Variants in SLC20A1 observed in about 807,000 individuals in gnomAD.
SLC20A1 encodes solute carrier family 20 member 1.
A neutral mutation model predicts 62.7 loss-of-function variants in SLC20A1; 28 were observed. The ratio of observed to expected loss-of-function variants is 0.45; its 90% CI spans 0.33 to 0.61. The LOEUF (loss-of-function observed/expected upper bound fraction) is 0.61. Among genes scored for constraint, SLC20A1 ranks in the 20% least tolerant of loss-of-function variants. The pLI is 0.02. For synonymous variants in SLC20A1, 305 were observed against 302.9 expected (o/e 1.01, Z -0.07); for missense variants, 673 against 838.6 (o/e 0.80, Z 2.44).
In SLC20A1 at chr2:112,658,854, C is replaced by T; in HGVS notation, c.808C>T (p.Pro270Ser). 1 of 1,613,232 alleles carries T rather than the reference C, an allele frequency of 6.2e-7. No individual in the cohort carries two copies. The highest frequency in any genetic ancestry group is 8.5e-7 in the Non-Finnish European group (1 of 1,179,758). ...AATAAAGTGTAGTCCTTCTGAAAGC[C>T]CCTTAATGGAAAAAAAGAATAGCTT... The part of the protein sequence containing the change: ...REIKCSPSES[P>S]LMEKKNSLKE... Residue 270 changes from proline (P) to serine (S), a missense_variant, in exon 7 of 11, where the codon CCC (proline) becomes TCC (serine). Coordinates refer to ENST00000272542, the MANE Select transcript of SLC20A1 (RefSeq NM_005415.5).
At chr2:112,658,613 C>G (rs372856875) in intron 6 of SLC20A1, 1 of 497,158 alleles carries the variant, frequency 2.0e-6, no homozygotes, top group Non-Finnish European at 3.4e-6. Flanking sequence ...TTTTGGGACC[C>G]CTGACATAGG....
At position 112,646,845 on chromosome 2, in the gene SLC20A1, C is replaced by T. The variant is rs1686292852; in HGVS notation, c.17C>T (p.Thr6Ile). 3 of 1,608,522 alleles carry T rather than the reference C, an allele frequency of 1.9e-6. No individual in the cohort carries two copies. The highest frequency in any genetic ancestry group is 1.1e-5 in the South Asian group (1 of 90,956). The change falls in exon 2 of 11, where the codon ACC becomes ATC. Residue 6 changes from threonine (T) to isoleucine (I), a missense_variant. Thr to Ile is a moderately conservative substitution (Grantham distance 89, BLOSUM62 -1). Transcript: ENST00000272542. Reference sequence around the variant, plus strand: ...CTCCAGAGAATGGCAACGCTGATTACCAGTACTACAGCTGCTACCGCCGCT... The same window carrying T: ...CTCCAGAGAATGGCAACGCTGATTATCAGTACTACAGCTGCTACCGCCGCT... MATLI[T>I]STTAATAASG...
chr2:112,657,950 C>T (rs1018579715), intron 6 of SLC20A1, among the ~76,000 whole-genome samples: 13 of 152,026 alleles, frequency 8.6e-5, no homozygotes, highest in Admixed American at 2.6e-4. Context: ...CCCTTTTCAT[C>T]GATGTGAAGG....
In SLC20A1 at chr2:112,646,708, C is replaced by T; in HGVS notation, c.-121C>T. The T allele has an allele frequency of 2.5e-6, 1 of 395,274 alleles. No homozygotes were observed. Among genetic ancestry groups the T allele is most frequent in the Non-Finnish European group, 4.1e-6 (1 of 245,766 alleles). 24.5% of individuals were successfully genotyped at this position (395,274 alleles called of 1,614,324 possible). A position where few individuals can be genotyped will look rare whatever the true frequency, so the allele number is the denominator to read the frequency against. ...AGCTCGGTTTCTGTGCCGTAGTTTA[C>T]AGTATTTAATTTTATATAATATATA... On this transcript the variant is annotated 5_prime_UTR_variant, in exon 2 of 11. Transcript: ENST00000272542.
intron 2 of SLC20A1, 46 bp from the exon 3 acceptor site, chr2:112,647,278 T>G (rs1211399114): frequency 6.2e-7 from 1 of 1,600,606 alleles, no homozygotes; most frequent in Admixed American, 1.7e-5. Context: ...GCCACTTACA[T>G]AATGGAATTT....
chr2:112,655,440 A>G (rs1183973474), intron 5 of SLC20A1, among the ~76,000 whole-genome samples: 1 of 151,988 alleles, frequency 6.6e-6, no homozygotes, highest in African/African-American at 2.4e-5. Context: ...TTCGTACATA[A>G]CAAGCAAAAT....
At position 112,659,560 on chromosome 2, in the gene SLC20A1, A is replaced by G. The variant is rs199972774; in HGVS notation, c.1405A>G (p.Asn469Asp). ...AATGGACAGTTACACCAGTTACTGC[A>G]ATGCTGTGTCTGACCTTCACTCAGC... ...IRMDSYTSYCNAVSDLHSASE... is the reference protein window; with the variant it reads ...IRMDSYTSYCDAVSDLHSASE... The change falls in exon 8 of 11, where the codon AAT becomes GAT. Residue 469 changes from asparagine to aspartate, a missense_variant. Transcript: ENST00000272542. The G allele has an allele frequency of 1.9e-6, 3 of 1,614,224 alleles. No individual in the cohort carries two copies. Among genetic ancestry groups the G allele is most frequent in the Non-Finnish European group, 2.5e-6 (3 of 1,180,026 alleles).
At position 112,660,694 on chromosome 2, in the gene SLC20A1, T is replaced by C. The variant is rs1440442653; in HGVS notation, c.1793+122T>C. ...TTTGTATAAGTTCATGATGTTCTTA[T>C]TGTCATTGTTCTTTTTAGATTTTAC... On this transcript the variant is annotated intron_variant, in intron 9 of 10. Coordinates refer to ENST00000272542, the MANE Select transcript of SLC20A1 (RefSeq NM_005415.5). 1.4e-5 allele frequency: 9 copies of C among 665,982 alleles called. No homozygotes were observed. In the African/African-American group the frequency reaches 2.1e-4, roughly 15 times the overall value. 41.3% of individuals were successfully genotyped at this position (665,982 alleles called of 1,614,324 possible).
chr2:112,663,316 C>A lies in SLC20A1; in HGVS notation c.*291C>A. 1 of 429,718 alleles carries A rather than the reference C, an allele frequency of 2.3e-6. No individual in the cohort carries two copies. Among genetic ancestry groups the A allele is most frequent in the Non-Finnish European group, 4.5e-6 (1 of 221,354 alleles). 26.6% of individuals were successfully genotyped at this position (429,718 alleles called of 1,614,324 possible). ...CTACTTTTTGTATCAGGCTTCAATT[C>A]CATTATGTTTTAATGTTGTCTCTGA... On this transcript the variant is annotated 3_prime_UTR_variant, in exon 11 of 11. Transcript: ENST00000272542.
At chr2:112,647,843 T>G in intron 4 of SLC20A1, 105 bp downstream of exon 4, 1 of 897,282 alleles carries the variant, frequency 1.1e-6, no homozygotes, top group Non-Finnish European at 1.8e-6. Flanking sequence ...TATGCGGCCT[T>G]GGAAAATTTT....
In SLC20A1 at chr2:112,662,719, A is replaced by T. The variant is rs73955252; in HGVS notation, c.1879-145A>T. On this transcript the variant is annotated intron_variant, in intron 10 of 10. Transcript: ENST00000272542. ...ATTTTCAAATTGCCTTCATTTTCCC[A>T]GCTTAACCTGTTGTAAACCAGCTTT... The T allele has an allele frequency of 2.0e-3, 1,390 of 698,608 alleles. 13 individuals are homozygous for T. The African/African-American group carries it at 0.023, about 11-fold the overall frequency. 43.3% of individuals were successfully genotyped at this position (698,608 alleles called of 1,614,324 possible).
rs77223034 is a variant in SLC20A1, at chr2:112,649,132, T to G, written c.561+1394T>G. On this transcript the variant is annotated intron_variant, in intron 4 of 10. Transcript: ENST00000272542. ...CCCCGGAAGGGGAATGGTGGTGCTC[T>G]GAGGTGCAAAGAGGGATTCTCAGGT... 2.2e-4 allele frequency among the ~76,000 whole-genome samples: 34 copies of G among 152,354 alleles called. 1 individual carries two copies. Among genetic ancestry groups the G allele is most frequent in the African/African-American group, 8.2e-4 (34 of 41,592 alleles).
At chr2:112,651,525 T>C (rs1268794663) in intron 4 of SLC20A1, among the ~76,000 whole-genome samples, 1 of 152,088 alleles carries the variant, frequency 6.6e-6, no homozygotes, top group African/African-American at 2.4e-5. Flanking sequence ...TGAGTCAGCC[T>C]CCAGAGTAGC....
At chr2:112,647,795 A>G in intron 4 of SLC20A1, 57 bp downstream of exon 4, 1 of 1,362,000 alleles carries the variant, frequency 7.3e-7, no homozygotes, top group East Asian at 2.3e-5. Context: ...TCGATTTCAA[A>G]CCCAGTGGTA....
intron 9 of SLC20A1, 106 bp downstream of exon 9, chr2:112,660,678 G>A (rs1033415197): frequency 1.9e-5 from 17 of 907,266 alleles, no homozygotes; most frequent in Middle Eastern, 6.7e-4. Flanking sequence ...GTTTGTATAA[G>A]TTCATGATGT....
intron 6 of SLC20A1, among the ~76,000 whole-genome samples, chr2:112,657,809 C>G (rs1367224581): frequency 6.6e-6 from 1 of 152,190 alleles, no homozygotes; most frequent in Non-Finnish European, 1.5e-5. Context: ...AATTGTAGCA[C>G]AGATTCTAGA....
intron 10 of SLC20A1, among the ~76,000 whole-genome samples, chr2:112,662,213 C>T (rs1443540207): frequency 6.6e-6 from 1 of 152,166 alleles, no homozygotes; most frequent in African/African-American, 2.4e-5. Context: ...TGTCTCCAGA[C>T]AATTGTTTAT....
chr2:112,651,949 T>A (rs1427219486), intron 4 of SLC20A1: 1 of 152,300 alleles, frequency 6.6e-6, no homozygotes, highest in Non-Finnish European at 1.5e-5. Flanking sequence ...ACTACATTTA[T>A]GTCATGCTTA....
intron 3 of SLC20A1, 84 bp downstream of exon 3, chr2:112,647,548 C>A: frequency 1.3e-6 from 2 of 1,578,132 alleles, no homozygotes; most frequent in Non-Finnish European, 1.7e-6. Flanking sequence ...TGTGTTCTAA[C>A]GTCGAGGGAC....
Sources: allele counts gnomAD v4.1 joint callset (sites outside exome capture counted in the v4.1 genomes callset), GRCh38; gene constraint gnomAD v4.1.1; transcripts MANE v1.5; gene names NCBI Gene and HGNC (gene_info 2026-07-23, HGNC 2026-07-21).